ZNF385D: variants seen among roughly 807,000 people sequenced by gnomAD.
ZNF385D encodes the protein zinc finger protein 385D.
In ZNF385D, 15 loss-of-function variants were observed where a neutral mutation model predicts 35.8. The ratio of observed to expected loss-of-function variants is 0.42; its 90% confidence interval spans 0.28 to 0.64. ZNF385D has a LOEUF of 0.64. Ranked by LOEUF, ZNF385D falls within the 30% of genes least tolerant of loss-of-function variation. The pLI is 0.23. For synonymous variants in ZNF385D, 212 were observed against 186.8 expected (o/e 1.13, Z -1.10); for missense variants, 474 against 494.6 (o/e 0.96, Z 0.39).
At chr3:22,096,248 GT>G (rs1209521357) in intron 3 of ZNF385D, among the ~76,000 whole-genome samples, 3 of 151,922 alleles carry the variant, frequency 2.0e-5, no homozygotes, top group Non-Finnish European at 2.9e-5. Context: ...AAGATCATTT[GT>G]ACCCCAAACC....
intron 2 of ZNF385D, among the ~76,000 whole-genome samples, chr3:22,176,346 CATTA>C (rs1314707423): frequency 4.6e-5 from 7 of 152,140 alleles, no homozygotes; most frequent in African/African-American, 9.7e-5. Flanking sequence ...TACTAAAAAG[CATTA>C]ATTGTTTTAC....
intron 2 of ZNF385D, among the ~76,000 whole-genome samples, chr3:22,325,757 CAAAAAAA>C (rs1473788174): frequency 6.6e-6 from 1 of 151,196 alleles, no homozygotes; most frequent in African/African-American, 2.4e-5. Flanking sequence ...GACTCTGTCT[CAAAAAAA>C]CAAAAAACAA....
At chr3:21,478,911 G>A (rs752822349) in intron 4 of ZNF385D, among the ~76,000 whole-genome samples, 2 of 151,994 alleles carry the variant, frequency 1.3e-5, no homozygotes, top group African/African-American at 4.8e-5. Context: ...GGAATCACAG[G>A]AGGTTTTAAA....
intron 3 of ZNF385D, among the ~76,000 whole-genome samples, chr3:21,830,102 T>A (rs1337574060): frequency 6.7e-6 from 1 of 150,186 alleles, no homozygotes; most frequent in Non-Finnish European, 1.5e-5. Context: ...CCAGCCTGGG[T>A]GACAGAGTGA....
intron 3 of ZNF385D, among the ~76,000 whole-genome samples, chr3:21,524,514 A>G (rs1708110427): frequency 1.3e-5 from 2 of 152,220 alleles, no homozygotes; most frequent in South Asian, 4.1e-4. Flanking sequence ...TTCCAAACAA[A>G]GAATGAATCA....
chr3:21,706,781 G>C lies in ZNF385D; in HGVS notation c.23-41753C>G, dbSNP rs1575499560. Among the ~76,000 whole-genome samples, 4 of 152,042 alleles carry C rather than the reference G, an allele frequency of 2.6e-5. No individual in the cohort carries two copies. The East Asian group carries it at 5.8e-4, about 22-fold the overall frequency. Reference sequence around the variant, plus strand: ...ATCACCTAACATTCCACTTCTGAGAGAGCAGCATTTAGATAGACACAAAGA... The same window carrying C: ...ATCACCTAACATTCCACTTCTGAGACAGCAGCATTTAGATAGACACAAAGA... On this transcript the variant is annotated intron_variant, in intron 1 of 7. Transcript: ENST00000281523.
At chr3:22,271,859 A>T (rs1180616427) in intron 2 of ZNF385D, among the ~76,000 whole-genome samples, 1 of 151,976 alleles carries the variant, frequency 6.6e-6, no homozygotes, top group Non-Finnish European at 1.5e-5. Context: ...ACAATGGTTC[A>T]ATTTACAATT....
intron 2 of ZNF385D, among the ~76,000 whole-genome samples, chr3:21,583,758 TATTAA>T (rs897846028): frequency 2.9e-4 from 44 of 150,878 alleles, no homozygotes; most frequent in African/African-American, 8.9e-4. Context: ...TCAATATAAA[TATTAA>T]ATTAATATTT....
chr3:21,561,284 C>G (rs955073526), intron 3 of ZNF385D, among the ~76,000 whole-genome samples: 6 of 152,150 alleles, frequency 3.9e-5, no homozygotes, highest in Non-Finnish European at 5.9e-5. Flanking sequence ...TGTAGGTACC[C>G]TAGGGAATAT....
intron 4 of ZNF385D, among the ~76,000 whole-genome samples, chr3:21,497,588 T>A (rs1341886009): frequency 6.6e-6 from 1 of 152,172 alleles, no homozygotes; most frequent in African/African-American, 2.4e-5. Context: ...CTCACACCTG[T>A]AATCCCAGCA....
intron 2 of ZNF385D, among the ~76,000 whole-genome samples, chr3:22,323,595 A>G (rs975795583): frequency 8.5e-5 from 13 of 152,346 alleles, no homozygotes; most frequent in African/African-American, 1.9e-4. Context: ...CTTATTTTCA[A>G]TGGAAGTAGT....
At chr3:21,724,421 C>A (rs7632873) in intron 1 of ZNF385D, among the ~76,000 whole-genome samples, 24,275 of 132,822 alleles carry the variant, frequency 0.18, 2,430 homozygotes, top group Admixed American at 0.34. Context: ...TATGCAAAGA[C>A]ACACATAGGC....
chr3:21,689,130 C>CAAAAAAAAAAAAAAAAAA (rs5847126), intron 1 of ZNF385D, among the ~76,000 whole-genome samples: 1 of 114,372 alleles, frequency 8.7e-6, no homozygotes, highest in Non-Finnish European at 1.8e-5. Flanking sequence ...CTTATTGAAG[C>CAAAAAAAAAAAAAAAAAA]AAAAAAAAAA....
In ZNF385D at chr3:22,074,269, AGACATT is replaced by A. The variant is rs1357008252; in HGVS notation, c.325+94542_325+94547del. On this transcript the variant is annotated intron_variant, in intron 3 of 5. Coordinates refer to the ZNF385D transcript ENST00000494108. The stretch of plus-strand genomic sequence containing the variant: ...GATCCACAATGATCAGCTGGAGTGA[AGACATT>A]GATTATGTCGATGCAGAAATAATTA... Among the ~76,000 whole-genome samples the A allele has an allele frequency of 2.6e-5, 4 of 152,012 alleles. No homozygotes were observed. The East Asian group carries it at 7.7e-4, about 29-fold the overall frequency.
intron 2 of ZNF385D, among the ~76,000 whole-genome samples, chr3:22,266,084 G>A (rs1417384281): frequency 1.3e-5 from 2 of 151,832 alleles, no homozygotes; most frequent in African/African-American, 4.8e-5. Flanking sequence ...CTACAGCCCT[G>A]GAATTTCTGT....
chr3:22,099,552 A>C (rs1258099412), intron 3 of ZNF385D, among the ~76,000 whole-genome samples: 4 of 152,124 alleles, frequency 2.6e-5, no homozygotes, highest in East Asian at 3.9e-4. Context: ...TGTGTGGCTG[A>C]GACACAAGTG....
At chr3:22,101,456 T>TA (rs1428578260) in intron 3 of ZNF385D, among the ~76,000 whole-genome samples, 3 of 152,008 alleles carry the variant, frequency 2.0e-5, no homozygotes, top group African/African-American at 7.2e-5. Flanking sequence ...AGAGATGAAA[T>TA]AACACGTATT....
At chr3:21,853,435 G>A (rs1382583115) in intron 3 of ZNF385D, among the ~76,000 whole-genome samples, 3 of 151,092 alleles carry the variant, frequency 2.0e-5, no homozygotes, top group Admixed American at 1.3e-4. Flanking sequence ...GGTGATCAAG[G>A]TCATTACAAT....
chr3:22,281,906 T>A (rs1043524436), intron 2 of ZNF385D, among the ~76,000 whole-genome samples: 1 of 152,062 alleles, frequency 6.6e-6, no homozygotes, highest in African/African-American at 2.4e-5. Flanking sequence ...ACTTTTTAAT[T>A]ACCATTTCAA....
Sources: gnomAD v4.1 joint callset for allele counts (sites outside exome capture counted in the v4.1 genomes callset) on GRCh38, gnomAD v4.1.1 for gene constraint, MANE v1.5 for transcripts, NCBI Gene and HGNC (gene_info 2026-07-23, HGNC 2026-07-21) for gene names.